Variants in RNF14 observed in about 807,000 individuals in gnomAD.
RNF14 encodes E3 ubiquitin-protein ligase RNF14.
In RNF14, 26 loss-of-function variants were observed where a neutral mutation model predicts 52.6. That is an observed-to-expected ratio of 0.49 (90% CI 0.36 to 0.69). The LOEUF is 0.69. Ranked by LOEUF, RNF14 falls within the 30% of genes least tolerant of loss-of-function variation. RNF14 has a pLI of 0.00. For synonymous variants in RNF14, 194 were observed against 202.0 expected (o/e 0.96, Z 0.34); for missense variants, 404 against 560.4 (o/e 0.72, Z 2.82).
chr5:141,974,914 C>T lies in RNF14; in HGVS notation c.265C>T (p.Pro89Ser). The change falls in exon 4 of 9, where the codon CCT (proline) becomes TCT (serine). Residue 89 changes from proline to serine, a missense_variant. Pro to Ser is a moderately conservative substitution (Grantham distance 74). Coordinates refer to ENST00000394520, the MANE Select transcript of RNF14 (RefSeq NM_004290.5). Reference protein sequence around the residue: ...LPPDYPSSSPPSFTLSGKWLS... With the variant: ...LPPDYPSSSPSSFTLSGKWLS... ...ACCAGATTATCCATCCTCTTCCCCACCTTCATTCACACTTAGTGGCAAATG... is the reference window on the plus strand; with the variant it reads ...ACCAGATTATCCATCCTCTTCCCCATCTTCATTCACACTTAGTGGCAAATG... 6.2e-7 allele frequency: 1 copy of T among 1,614,048 alleles called. No homozygotes were observed. The highest frequency in any genetic ancestry group is 8.5e-7 in the Non-Finnish European group (1 of 1,179,972).
chr5:141,956,150 G>A, upstream of RNF14: 1 of 1,614,218 alleles, frequency 6.2e-7, no homozygotes, highest in South Asian at 1.1e-5. Flanking sequence ...CTGAGCACAG[G>A]CTGGACCACC....
chr5:141,973,501 G>C, intron 2 of RNF14, 82 bp from the exon 3 acceptor site: 1 of 1,190,066 alleles, frequency 8.4e-7, no homozygotes, highest in Non-Finnish European at 1.2e-6. Context: ...GCCTCCCAAA[G>C]TGTTGGGATT....
intron 3 of RNF14, 122 bp from the exon 4 acceptor site, chr5:141,974,682 C>T: frequency 2.2e-6 from 2 of 899,504 alleles, no homozygotes; most frequent in African/African-American, 1.7e-5. Context: ...ATAGAAAGTG[C>T]TTTGGGGGAG....
intron 1 of RNF14, chr5:141,969,847 A>C (rs1753583576): frequency 6.6e-6 from 1 of 152,236 alleles, no homozygotes; most frequent in Non-Finnish European, 1.5e-5. Flanking sequence ...TCAGATGGAG[A>C]ACACTAACCT....
rs193067631 is a variant in RNF14, at chr5:141,983,128, G to A, written c.1064-252G>A. Among the ~76,000 whole-genome samples the A allele has an allele frequency of 4.8e-3, 735 of 152,110 alleles. 5 individuals carry two copies. The highest frequency in any genetic ancestry group is 6.5e-3 in the Non-Finnish European group (445 of 68,008). ...ATGAGTGTTTTAATTGGGTTGTAGC[G>A]AACCTAATTATGTTTTTAATAATTG... On this transcript the variant is annotated intron_variant, in intron 6 of 8. Transcript: ENST00000394520.
upstream of RNF14, chr5:141,957,411 G>A (rs372293517): frequency 1.6e-5 from 26 of 1,613,042 alleles, no homozygotes; most frequent in South Asian, 7.7e-5. This position sits in a 1 kb window ranked among gnomAD's most constrained non-coding sequence, Gnocchi z 4.3. Context: ...GCAGAGAGGC[G>A]CTCTCAGAGA....
chr5:141,986,586 C>T (rs1223288137), intron 8 of RNF14, among the ~76,000 whole-genome samples: 1 of 152,194 alleles, frequency 6.6e-6, no homozygotes, highest in African/African-American at 2.4e-5. Context: ...TTATCCTTGG[C>T]CCTGGAGAAT....
At chr5:141,980,030 C>T in intron 5 of RNF14, 93 bp from the exon 6 acceptor site, 2 of 924,398 alleles carry the variant, frequency 2.2e-6, no homozygotes, top group Non-Finnish European at 3.5e-6. Context: ...ATTTATGTGC[C>T]CATCTGGTTT....
At chr5:141,984,527 A>G (rs1755067620) in intron 7 of RNF14, among the ~76,000 whole-genome samples, 1 of 152,226 alleles carries the variant, frequency 6.6e-6, no homozygotes, top group Non-Finnish European at 1.5e-5. Context: ...TAATCTAACT[A>G]CATTTTCCAG....
chr5:141,976,323 A>G (rs1156971394), intron 4 of RNF14, among the ~76,000 whole-genome samples: 3 of 152,214 alleles, frequency 2.0e-5, no homozygotes, highest in Non-Finnish European at 4.4e-5. Context: ...ATGCACGTGC[A>G]TGCACACACA....
At chr5:141,956,062 C>T, upstream of RNF14, 2 of 1,614,130 alleles carry the variant, frequency 1.2e-6, no homozygotes, top group African/African-American at 2.7e-5. Flanking sequence ...TGGGCCCAAG[C>T]CATTGGGAGT....
In RNF14 at chr5:141,974,864, C is replaced by CA. The variant is rs754740638; in HGVS notation, c.216dup (p.Leu73ThrfsTer6). The CA allele has an allele frequency of 6.2e-7, 1 of 1,614,040 alleles. No homozygotes were observed. On this transcript the variant is annotated frameshift_variant, in exon 4 of 9. Transcript: ENST00000394520. LOFTEE classifies it high-confidence loss of function. ...GAATACACCATTTGCTTTCTGCCTC[C>CA]ACTTGTGCTGAACTTTGAACTGCCA...
At chr5:141,962,189 G>T (rs1165547560), upstream of RNF14, among the ~76,000 whole-genome samples, 1 of 152,252 alleles carries the variant, frequency 6.6e-6, no homozygotes, top group Non-Finnish European at 1.5e-5. Context: ...TGTTGAGACA[G>T]ATGACAGGTG....
At chr5:141,975,511 T>C (rs975942396) in intron 4 of RNF14, among the ~76,000 whole-genome samples, 1 of 152,228 alleles carries the variant, frequency 6.6e-6, no homozygotes, top group African/African-American at 2.4e-5. Context: ...CCTGTAGATA[T>C]CTCAGTAAGG....
At position 141,983,559 on chromosome 5, in the gene RNF14, G is replaced by A. The variant is rs545083208; in HGVS notation, c.1236+7G>A. On this transcript the variant is annotated splice_region_variant and intron_variant, in intron 7 of 8. Coordinates refer to ENST00000394520, the MANE Select transcript of RNF14 (RefSeq NM_004290.5). ...TTGTGGAACTCCCATAGAGGTAAAT[G>A]TTTTGGGACAGACTTGGAGGCCATC... 3.1e-6 allele frequency: 5 copies of A among 1,604,382 alleles called. No individual in the cohort carries two copies. Among genetic ancestry groups the A allele is most frequent in the Non-Finnish European group, 3.4e-6 (4 of 1,177,386 alleles).
At chr5:141,973,138 T>C (rs567024863) in intron 2 of RNF14, among the ~76,000 whole-genome samples, 13 of 152,370 alleles carry the variant, frequency 8.5e-5, no homozygotes, top group Admixed American at 2.6e-4. Flanking sequence ...ATGCCAGATA[T>C]GGCTGTCATT....
At chr5:141,966,670 A>C (rs1280048200), upstream of RNF14, 1 of 152,224 alleles carries the variant, frequency 6.6e-6, no homozygotes, top group Non-Finnish European at 1.5e-5. Flanking sequence ...TCTTTACCCA[A>C]TCTTGTCCTC....
intron 6 of RNF14, 23 bp downstream of exon 6, chr5:141,980,374 A>AACCCCC: frequency 6.4e-7 from 1 of 1,564,416 alleles, no homozygotes; most frequent in Non-Finnish European, 8.8e-7. Context: ...TGTGAACCCA[A>AACCCCC]ACCCCCATCC....
At chr5:141,965,459 C>G (rs1753324518), upstream of RNF14, among the ~76,000 whole-genome samples, 1 of 152,204 alleles carries the variant, frequency 6.6e-6, no homozygotes, top group Non-Finnish European at 1.5e-5. Flanking sequence ...CTTTCTCTGT[C>G]TGTGTTCTCA....
Sources: gnomAD v4.1 joint callset for allele counts (sites outside exome capture counted in the v4.1 genomes callset) on GRCh38, gnomAD v4.1.1 for gene constraint, Gnocchi (gnomAD v3.1) non-coding constraint, MANE v1.5 for transcripts, NCBI Gene and HGNC (gene_info 2026-07-23, HGNC 2026-07-21) for gene names.